HSD17B14: variants seen among roughly 807,000 people sequenced by gnomAD.
HSD17B14 encodes L-fucose dehydrogenase.
HSD17B14 carries 32 observed loss-of-function variants against 32.2 expected under a neutral mutation model. That is an observed-to-expected ratio of 0.99 (90% CI 0.75 to 1.33). HSD17B14 has a LOEUF of 1.33. HSD17B14 is among the 40% of genes most tolerant of loss of function. The probability of loss-of-function intolerance (pLI) is 0.00; values close to 1 mark genes in which losing one functional copy is unlikely to be tolerated. For missense variants in HSD17B14, 370 were observed against 366.5 expected (o/e 1.01, Z -0.08); for synonymous variants, 140 against 155.4 (o/e 0.90, Z 0.74).
chr19:48,834,229 A>G, intron 3 of HSD17B14, 47 bp downstream of exon 3: 1 of 1,471,326 alleles, frequency 6.8e-7, no homozygotes, highest in South Asian at 1.1e-5. Flanking sequence ...GAGAACAAAG[A>G]ACTGGTCATT....
At chr19:48,832,135 T>C (rs2035349018) in intron 4 of HSD17B14, among the ~76,000 whole-genome samples, 1 of 142,474 alleles carries the variant, frequency 7.0e-6, no homozygotes, top group East Asian at 2.1e-4. Context: ...ATCCCAGCAT[T>C]TGGGGAGGCC....
chr19:48,826,423 A>G (rs1233356920), intron 5 of HSD17B14, among the ~76,000 whole-genome samples: 2 of 141,954 alleles, frequency 1.4e-5, no homozygotes, highest in Non-Finnish European at 3.0e-5. Flanking sequence ...GAGCCCAGGT[A>G]GTCAAGGTTG....
intron 5 of HSD17B14, among the ~76,000 whole-genome samples, chr19:48,829,726 C>G (rs1489350062): frequency 2.7e-5 from 4 of 148,690 alleles, no homozygotes; most frequent in Non-Finnish European, 5.9e-5. Flanking sequence ...TCACTGCAAC[C>G]TCTGCCTCCC....
rs2035336843 is a variant in HSD17B14 at position 48,831,651 on chromosome 19, GGGTCGCCAGCCCTCACCTT to G, written c.367_369+16del. 22 of 1,595,914 alleles carry G rather than the reference GGGTCGCCAGCCCTCACCTT, an allele frequency of 1.4e-5. No individual in the cohort carries two copies. Among genetic ancestry groups the G allele is most frequent in the Non-Finnish European group, 1.9e-5 (22 of 1,163,492 alleles). On this transcript the variant is annotated splice_donor_variant and splice_donor_5th_base_variant and coding_sequence_variant and intron_variant, in exon 5 of 9. Coordinates refer to ENST00000263278, the MANE Select transcript of HSD17B14 (RefSeq NM_016246.3). LOFTEE classifies it high-confidence loss of function. ...AGGAGGCTGCTCGGGCCTGGCGGCA[GGGTCGCCAGCCCTCACCTT>G]GGTCAAGGTGTACGTCCCCAGTAGG...
chr19:48,825,664 T>C (rs538446781), intron 5 of HSD17B14, among the ~76,000 whole-genome samples: 17 of 152,186 alleles, frequency 1.1e-4, no homozygotes, highest in African/African-American at 4.1e-4. Context: ...TCTGTCACAA[T>C]TGGCCCCATT....
At position 48,834,225 on chromosome 19, in the gene HSD17B14, A is replaced by G. The variant is rs1312064890; in HGVS notation, c.210+51T>C. 4 of 1,461,618 alleles carry G rather than the reference A, an allele frequency of 2.7e-6. No homozygotes were observed. In the Admixed American group the frequency reaches 5.1e-5, roughly 19 times the overall value. The allele number at this position is 1,461,618 out of a possible 1,614,324, so 90.5% of individuals were successfully genotyped here. A position where few individuals can be genotyped will look rare whatever the true frequency, so the allele number is the denominator to read the frequency against. The stretch of plus-strand genomic sequence containing the variant: ...CATATGCAAATGGCTGGAGGAGAAC[A>G]AAGAACTGGTCATTAGCGGAGATGG... On this transcript the variant is annotated intron_variant, in intron 3 of 8. Transcript: ENST00000263278.
At chr19:48,813,618 C>G (rs750438757) in intron 7 of HSD17B14, 45 bp downstream of exon 7, 2 of 1,611,764 alleles carry the variant, frequency 1.2e-6, no homozygotes, top group African/African-American at 1.3e-5. Context: ...CTCCCAGTCA[C>G]CCCAGTCCCC....
chr19:48,829,621 G>A (rs2035303708), intron 5 of HSD17B14, among the ~76,000 whole-genome samples: 1 of 142,960 alleles, frequency 7.0e-6, no homozygotes, highest in Admixed American at 7.2e-5. Flanking sequence ...ACAGGCATGA[G>A]CTACCAGGCC....
chr19:48,836,063 A>G (rs548680986), intron 1 of HSD17B14, among the ~76,000 whole-genome samples: 9 of 152,182 alleles, frequency 5.9e-5, no homozygotes, highest in African/African-American at 2.2e-4. Flanking sequence ...AGCAAACTCC[A>G]CGACTGACAG....
intron 4 of HSD17B14, among the ~76,000 whole-genome samples, chr19:48,832,381 A>C (rs2035353987): frequency 1.3e-5 from 2 of 152,090 alleles, no homozygotes; most frequent in African/African-American, 4.8e-5. Context: ...TCCATCTGAA[A>C]AAAAAAGAAA....
intron 5 of HSD17B14, among the ~76,000 whole-genome samples, chr19:48,829,066 ATAAAT>A (rs2035295008): frequency 6.6e-6 from 1 of 151,998 alleles, no homozygotes; most frequent in African/African-American, 2.4e-5. Context: ...GTCTCAAAAA[ATAAAT>A]TAATTAATTT....
Position 48,813,020 on chromosome 19 carries a change from C to G in HSD17B14, c.*155G>C. 1 of 547,364 alleles carries G rather than the reference C, an allele frequency of 1.8e-6. No individual in the cohort carries two copies. Among genetic ancestry groups the G allele is most frequent in the Non-Finnish European group, 3.3e-6 (1 of 302,694 alleles). 33.9% of individuals were successfully genotyped at this position (547,364 alleles called of 1,614,324 possible). On this transcript the variant is annotated 3_prime_UTR_variant, in exon 9 of 9. Transcript: ENST00000263278. ...TAAATATAACGATATCCTCCTCCTT[C>G]TGGCTGCAAATCGTTTTTATGGGAA...
At chr19:48,830,542 C>T (rs560952245) in intron 5 of HSD17B14, among the ~76,000 whole-genome samples, 103 of 152,220 alleles carry the variant, frequency 6.8e-4, no homozygotes, top group African/African-American at 2.3e-3. Context: ...ATTTTGAGCG[C>T]TAGCCGTCTC....
intron 5 of HSD17B14, among the ~76,000 whole-genome samples, chr19:48,826,170 A>C (rs1341172482): frequency 6.6e-6 from 1 of 151,888 alleles, no homozygotes; most frequent in East Asian, 1.9e-4. Context: ...GTTTATGTGA[A>C]ATCTGCCTTG....
intron 5 of HSD17B14, among the ~76,000 whole-genome samples, chr19:48,830,287 C>T (rs1298392054): frequency 6.6e-6 from 1 of 152,226 alleles, no homozygotes; most frequent in Admixed American, 6.5e-5. Context: ...GGCAGTCGCC[C>T]GATTAATAGT....
rs902582497 is a variant in HSD17B14 at position 48,834,169 on chromosome 19, C to A, written c.210+107G>T. ...GAAACCTTTGACGAGTCCAGCGGAG[C>A]CAGGAGAGGAAGGAAAAGTAGAGGG... is the stretch of plus-strand genomic sequence containing the variant. On this transcript the variant is annotated intron_variant, in intron 3 of 8. Transcript: ENST00000263278. 7.3e-5 allele frequency: 64 copies of A among 873,324 alleles called. 4 individuals are homozygous for A. The highest frequency in any genetic ancestry group is 4.5e-4 in the South Asian group (30 of 66,708). The allele number at this position is 873,324 out of a possible 1,614,324, so 54.1% of individuals were successfully genotyped here.
rs524942 is a variant in HSD17B14, at chr19:48,814,911, G to A, written c.474+126C>T. The stretch of plus-strand genomic sequence containing the variant: ...GCAGTTATGCCTGGGTGCTGCATCT[G>A]GGAGTTAGGTGTGAGACTTTCTAGG... On this transcript the variant is annotated intron_variant, in intron 6 of 8. Transcript: ENST00000263278. 1,319 of 649,010 alleles carry A rather than the reference G, an allele frequency of 2.0e-3. 11 individuals are homozygous for A. Among genetic ancestry groups the A allele is most frequent in the African/African-American group, 0.02 (1,115 of 55,176 alleles). 40.2% of individuals were successfully genotyped at this position (649,010 alleles called of 1,614,324 possible). A position where few individuals can be genotyped will look rare whatever the true frequency, so the allele number is the denominator to read the frequency against.
intron 5 of HSD17B14, among the ~76,000 whole-genome samples, chr19:48,821,506 G>C (rs2035147873): frequency 6.6e-6 from 1 of 152,164 alleles, no homozygotes; most frequent in South Asian, 2.1e-4. Context: ...GAATCCACCA[G>C]GAAGGCCAAA....
intron 6 of HSD17B14, 52 bp downstream of exon 6, chr19:48,814,985 A>C: frequency 7.0e-7 from 1 of 1,423,392 alleles, no homozygotes; most frequent in Non-Finnish European, 9.9e-7. Flanking sequence ...ACTCAAAGCC[A>C]AGGCCCATGG....
Sources: allele counts gnomAD v4.1 joint callset (sites outside exome capture counted in the v4.1 genomes callset), GRCh38; gene constraint gnomAD v4.1.1; transcripts MANE v1.5; gene names NCBI Gene and HGNC (gene_info 2026-07-23, HGNC 2026-07-21).